The following KDF1 variants were observed in gnomAD, a reference collection of about 807,000 sequenced individuals.
KDF1 encodes the protein keratinocyte differentiation factor 1.
KDF1 carries 11 observed loss-of-function variants against 31.6 expected under a neutral mutation model. That is an observed-to-expected ratio of 0.35 (90% confidence interval 0.22 to 0.58). The LOEUF is 0.58. Among genes scored for constraint, KDF1 ranks in the 20% least tolerant of loss-of-function variants. KDF1 has a pLI of 0.83. For synonymous variants in KDF1, 205 were observed against 214.4 expected (o/e 0.96, Z 0.38); for missense variants, 476 against 549.1 (o/e 0.87, Z 1.33).
chr1:26,950,845 A>G lies in KDF1; in HGVS notation c.1040-89T>C. 2 of 1,146,460 alleles carry G rather than the reference A, an allele frequency of 1.7e-6. No individual in the cohort carries two copies. The highest frequency in any genetic ancestry group is 2.6e-6 in the Non-Finnish European group (2 of 759,390). 71.0% of individuals were successfully genotyped at this position (1,146,460 alleles called of 1,614,324 possible). On this transcript the variant is annotated intron_variant, in intron 2 of 3. Transcript: ENST00000320567. The surrounding 1 kb of genome is among the most constrained non-coding windows in gnomAD (Gnocchi z 4.0). Reference sequence around the variant, plus strand: ...TCTGTTCCCAGCCCGATGAGGGAGGAGCCACTCACTCCTGGGCAGGGCTAG... The same window carrying G: ...TCTGTTCCCAGCCCGATGAGGGAGGGGCCACTCACTCCTGGGCAGGGCTAG...
chr1:26,954,894 T>C (rs1169079725), intron 1 of KDF1, among the ~76,000 whole-genome samples: 1 of 147,018 alleles, frequency 6.8e-6, no homozygotes, highest in Non-Finnish European at 1.5e-5. Flanking sequence ...AGTCTCGCTC[T>C]GTCACCCAGG....
At position 26,952,254 on chromosome 1, in the gene KDF1, G is replaced by A. The variant is rs199965062; in HGVS notation, c.127C>T (p.Arg43Cys). The A allele has an allele frequency of 3.8e-6, 6 of 1,590,068 alleles. No homozygotes were observed. The highest frequency in any genetic ancestry group is 1.3e-5 in the African/African-American group (1 of 74,310). The change falls in exon 2 of 4, where the codon CGT becomes TGT. Residue 43 changes from arginine to cysteine, a missense_variant. By Grantham distance (180) the Arg-to-Cys change is radical (BLOSUM62 -3). Coordinates refer to ENST00000320567, the MANE Select transcript of KDF1 (RefSeq NM_152365.3). The surrounding 1 kb of genome is among the most constrained non-coding windows in gnomAD (Gnocchi z 4.1). Reference protein sequence around the residue: ...PPQPPPSRRTRRPDPKDPGHH... With the variant: ...PPQPPPSRRTCRPDPKDPGHH... ...CCAGGGTCCTTGGGGTCTGGTCTAC[G>A]GGTGCGGCGGCTTGGTGGGGGCTGA...
At chr1:26,953,640 A>G (rs1294823022) in intron 1 of KDF1, among the ~76,000 whole-genome samples, 1 of 152,204 alleles carries the variant, frequency 6.6e-6, no homozygotes, top group East Asian at 1.9e-4. Context: ...AACTTATGCT[A>G]AGTGAAATAA....
At chr1:26,953,742 C>T (rs1403204925) in intron 1 of KDF1, among the ~76,000 whole-genome samples, 5 of 151,946 alleles carry the variant, frequency 3.3e-5, no homozygotes, top group Admixed American at 6.6e-5. Context: ...ATCACTTGAG[C>T]GCAGGAGTTC....
intron 1 of KDF1, among the ~76,000 whole-genome samples, chr1:26,956,070 G>A (rs2124162993): frequency 6.6e-6 from 1 of 152,294 alleles, no homozygotes; most frequent in Admixed American, 6.5e-5. Flanking sequence ...ATTTGGGAAG[G>A]TCCTTGATCT....
intron 1 of KDF1, among the ~76,000 whole-genome samples, chr1:26,957,315 T>C (rs2082381075): frequency 6.6e-6 from 1 of 152,180 alleles, no homozygotes; most frequent in African/African-American, 2.4e-5. Flanking sequence ...TCCAGGGACC[T>C]TCTGGAACCA....
chr1:26,951,843 G>T lies in KDF1; in HGVS notation c.538C>A (p.Pro180Thr). 1 of 1,614,074 alleles carries T rather than the reference G, an allele frequency of 6.2e-7. No homozygotes were observed. Among genetic ancestry groups the T allele is most frequent in the Non-Finnish European group, 8.5e-7 (1 of 1,180,010 alleles). The change falls in exon 2 of 4, where the codon CCA becomes ACA. Residue 180 changes from proline (P) to threonine (T), a missense_variant. Coordinates refer to ENST00000320567, the MANE Select transcript of KDF1 (RefSeq NM_152365.3). The surrounding 1 kb of genome is among the most constrained non-coding windows in gnomAD (Gnocchi z 5.4). The part of the protein sequence containing the change: ...PVYPYPRATS[P>T]APDADSCCKE... ...CAGCAGGAGTCCGCATCAGGGGCTGGGGAGGTGGCCCTCGGGTAGGGATAC... is the reference window on the plus strand; with the variant it reads ...CAGCAGGAGTCCGCATCAGGGGCTGTGGAGGTGGCCCTCGGGTAGGGATAC...
rs1253011497 is a variant in KDF1 at position 26,954,864 on chromosome 1, CT to C, written c.-32-2453del. On this transcript the variant is annotated intron_variant, in intron 1 of 3. Coordinates refer to ENST00000320567, the MANE Select transcript of KDF1 (RefSeq NM_152365.3). Reference sequence around the variant, plus strand: ...AAAAAAAAAAAAGTTAATAAGTTACCTTTTTTTTTTTTGAGATGGAGTCTCG... The same window carrying C: ...AAAAAAAAAAAAGTTAATAAGTTACCTTTTTTTTTTTGAGATGGAGTCTCG... Among the ~76,000 whole-genome samples, 253 of 133,714 alleles carry C rather than the reference CT, an allele frequency of 1.9e-3. 3 individuals are homozygous for C. Among genetic ancestry groups the C allele is most frequent in the Admixed American group, 9.4e-3 (124 of 13,208 alleles). 87.7% of individuals were successfully genotyped at this position (133,714 alleles called of 152,430 possible). A position where few individuals can be genotyped will look rare whatever the true frequency, so the allele number is the denominator to read the frequency against.
chr1:26,950,203 C>A lies in KDF1; in HGVS notation c.1115-52G>T. ...AACAGGCTCAGGGGAAGGAGCTCATCCAGATCCCATGACCAGGGAGAAGCC... is the reference window on the plus strand; with the variant it reads ...AACAGGCTCAGGGGAAGGAGCTCATACAGATCCCATGACCAGGGAGAAGCC... On this transcript the variant is annotated intron_variant, in intron 3 of 3. Coordinates refer to ENST00000320567, the MANE Select transcript of KDF1 (RefSeq NM_152365.3). The surrounding 1 kb of genome is among the most constrained non-coding windows in gnomAD (Gnocchi z 4.0). The A allele has an allele frequency of 6.6e-7, 1 of 1,510,102 alleles. No individual in the cohort carries two copies. Among genetic ancestry groups the A allele is most frequent in the South Asian group, 1.1e-5 (1 of 88,602 alleles). 93.5% of individuals were successfully genotyped at this position (1,510,102 alleles called of 1,614,324 possible).
Position 26,949,802 on chromosome 1 carries a change from A to G in KDF1, c.*267T>C. On this transcript the variant is annotated 3_prime_UTR_variant, in exon 4 of 4. Coordinates refer to ENST00000320567, the MANE Select transcript of KDF1 (RefSeq NM_152365.3). The stretch of plus-strand genomic sequence containing the variant: ...CCCAGAAGGTAATGCCTAACTCCTT[A>G]CTTTCCATGATCAGGCCACCTGAAG... 2.4e-6 allele frequency: 1 copy of G among 422,944 alleles called. No homozygotes were observed. Among genetic ancestry groups the G allele is most frequent in the South Asian group, 2.5e-5 (1 of 40,556 alleles). 26.2% of individuals were successfully genotyped at this position (422,944 alleles called of 1,614,324 possible). A position where few individuals can be genotyped will look rare whatever the true frequency, so the allele number is the denominator to read the frequency against.
chr1:26,951,925 C>T lies in KDF1; in HGVS notation c.456G>A (p.Lys152=), dbSNP rs547943153. Residue 152 remains lysine, a synonymous_variant, in exon 2 of 4, where the codon AAG becomes AAA. Transcript: ENST00000320567. This position sits in a 1 kb window ranked among gnomAD's most constrained non-coding sequence, Gnocchi z 5.4. The part of the protein sequence containing the change: ...PPSRRDGQRL[K]STMGSSFSYP... ...AGCTGAAGCTGCTGCCCATGGTTGA[C>T]TTGAGCCGCTGGCCATCCCGCCGGC... is the stretch of plus-strand genomic sequence containing the variant. 1.2e-6 allele frequency: 2 copies of T among 1,605,058 alleles called. No individual in the cohort carries two copies. Among genetic ancestry groups the T allele is most frequent in the Admixed American group, 1.7e-5 (1 of 59,606 alleles).
rs1160137420 is a variant in KDF1 at position 26,949,889 on chromosome 1, G to A, written c.*180C>T. On this transcript the variant is annotated 3_prime_UTR_variant, in exon 4 of 4. Transcript: ENST00000320567. ...AGACCAGCTGGGGATGCAAGGAGAT[G>A]TAGATCCCATGGCCCAGTGAAATGC... The A allele has an allele frequency of 1.7e-6, 1 of 581,988 alleles. No homozygotes were observed. Among genetic ancestry groups the A allele is most frequent in the Non-Finnish European group, 3.1e-6 (1 of 327,374 alleles). 36.1% of individuals were successfully genotyped at this position (581,988 alleles called of 1,614,324 possible).
At position 26,960,006 on chromosome 1, in the gene KDF1, G is replaced by A. The variant is rs1357222553; in HGVS notation, c.-33+344C>T. ...GAGCACTACCCTCTCCAGCTGCAAG[G>A]GCCCTACCCCGCGGGCGGACCCAGC... On this transcript the variant is annotated intron_variant, in intron 1 of 3. Transcript: ENST00000320567. The surrounding 1 kb of genome is among the most constrained non-coding windows in gnomAD (Gnocchi z 4.9). 2.0e-5 allele frequency among the ~76,000 whole-genome samples: 3 copies of A among 152,124 alleles called. No individual in the cohort carries two copies. The highest frequency in any genetic ancestry group is 7.2e-5 in the African/African-American group (3 of 41,426).
In KDF1 at chr1:26,951,944, C is replaced by T. The variant is rs765268716; in HGVS notation, c.437G>A (p.Arg146Gln). ...GGTTGACTTGAGCCGCTGGCCATCC[C>T]GCCGGCTGGGGGGTGCACGATCAGG... is the stretch of plus-strand genomic sequence containing the variant. ...PSPDRAPPSR[R>Q]DGQRLKSTMG... Residue 146 changes from arginine to glutamine, a missense_variant, in exon 2 of 4, where the codon CGG (arginine) becomes CAG (glutamine). Arg to Gln is a conservative substitution (Grantham distance 43, BLOSUM62 1). This residue lies in a region of KDF1 where 330 missense variants were observed against 332.3 expected (regional missense o/e 0.99). Coordinates refer to ENST00000320567, the MANE Select transcript of KDF1 (RefSeq NM_152365.3). This position sits in a 1 kb window ranked among gnomAD's most constrained non-coding sequence, Gnocchi z 5.4. The T allele has an allele frequency of 1.2e-5, 19 of 1,604,136 alleles. No individual in the cohort carries two copies. The highest frequency in any genetic ancestry group is 1.7e-4 in the Middle Eastern group (1 of 6,034).
Position 26,952,343 on chromosome 1 carries a change from G to C in KDF1, c.38C>G (p.Pro13Arg), listed in dbSNP as rs1203106618. Residue 13 changes from proline to arginine, a missense_variant, in exon 2 of 4, where the codon CCT becomes CGT. Coordinates refer to ENST00000320567, the MANE Select transcript of KDF1 (RefSeq NM_152365.3). This position sits in a 1 kb window ranked among gnomAD's most constrained non-coding sequence, Gnocchi z 4.1. Reference protein sequence around the residue: ...RPGHPRPASGPPRLGPWERPT... With the variant: ...RPGHPRPASGRPRLGPWERPT... ...CCGCTCCCACGGTCCCAAGCGTGGA[G>C]GCCCAGATGCTGGGCGGGGGTGTCC... 3.9e-6 allele frequency: 6 copies of C among 1,519,076 alleles called. No individual in the cohort carries two copies. Among genetic ancestry groups the C allele is most frequent in the Non-Finnish European group, 4.4e-6 (5 of 1,134,882 alleles). 94.1% of individuals were successfully genotyped at this position (1,519,076 alleles called of 1,614,324 possible). A position where few individuals can be genotyped will look rare whatever the true frequency, so the allele number is the denominator to read the frequency against.
At chr1:26,957,857 C>T (rs1211804739) in intron 1 of KDF1, among the ~76,000 whole-genome samples, 1 of 152,106 alleles carries the variant, frequency 6.6e-6, no homozygotes, top group East Asian at 1.9e-4. Context: ...ACTCTGTCAC[C>T]AACGCTGGAG....
Position 26,951,749 on chromosome 1 carries a change from C to G in KDF1, c.632G>C (p.Arg211Pro). The change falls in exon 2 of 4, where the codon CGT (arginine) becomes CCT (proline). Residue 211 changes from arginine (R) to proline (P), a missense_variant. By Grantham distance (103) the Arg-to-Pro change is moderately radical. This residue lies in a region of KDF1 where 330 missense variants were observed against 332.3 expected (regional missense o/e 0.99). Transcript: ENST00000320567. This position sits in a 1 kb window ranked among gnomAD's most constrained non-coding sequence, Gnocchi z 5.4. ...GAAAGAATAGTACTCCTCGGAGCCA[C>G]GAGGACTACTGGCAAAGGTGCTGGG... The part of the protein sequence containing the change: ...SLPSTFASSP[R>P]GSEEYYSFHE... The G allele has an allele frequency of 6.2e-7, 1 of 1,614,014 alleles. No homozygotes were observed. Among genetic ancestry groups the G allele is most frequent in the South Asian group, 1.1e-5 (1 of 91,080 alleles).
chr1:26,953,724 ATGGG>A (rs1448881000), intron 1 of KDF1, among the ~76,000 whole-genome samples: 1 of 152,076 alleles, frequency 6.6e-6, no homozygotes, highest in Middle Eastern at 3.2e-3. Context: ...GGAGGCTGGG[ATGGG>A]TGGATCACTT....
chr1:26,951,892 A>G lies in KDF1; in HGVS notation c.489T>C (p.Asp163=). 6.2e-7 allele frequency: 1 copy of G among 1,610,062 alleles called. No homozygotes were observed. Among genetic ancestry groups the G allele is most frequent in the Non-Finnish European group, 8.5e-7 (1 of 1,177,314 alleles). ...ACACAGGGATGCCTTTGAGCTTAAC[A>G]TCGGGGTAGCTGAAGCTGCTGCCCA... is the stretch of plus-strand genomic sequence containing the variant. ...STMGSSFSYP[D]VKLKGIPVYP... The change falls in exon 2 of 4, where the codon GAT becomes GAC. Residue 163 remains aspartate, a synonymous_variant. Transcript: ENST00000320567. This position sits in a 1 kb window ranked among gnomAD's most constrained non-coding sequence, Gnocchi z 5.4.
Sources: allele counts gnomAD v4.1 joint callset (sites outside exome capture counted in the v4.1 genomes callset), GRCh38; gene constraint gnomAD v4.1.1; regional missense constraint gnomAD v4.1.1; non-coding constraint Gnocchi (gnomAD v3.1); transcripts MANE v1.5; gene names NCBI Gene and HGNC (gene_info 2026-07-23, HGNC 2026-07-21).